The following BIRC6 variants were observed in gnomAD, a reference collection of about 807,000 sequenced individuals.
BIRC6 encodes the protein dual E2 ubiquitin-conjugating enzyme/E3 ubiquitin-protein ligase BIRC6.
Under a neutral mutation model 503.3 loss-of-function variants are expected in BIRC6, and 98 were observed. That is an observed-to-expected ratio of 0.19 (90% CI 0.17 to 0.23). BIRC6 has a LOEUF of 0.23. Among genes scored for constraint, BIRC6 ranks in the 10% least tolerant of loss-of-function variants. BIRC6 has a pLI of 1.00. For synonymous variants in BIRC6, 2,240 were observed against 2,078.7 expected (o/e 1.08, Z -2.11); for missense variants, 5,360 against 5,806.0 (o/e 0.92, Z 2.50).
At chr2:32,516,922 G>T (rs2055113049) in intron 55 of BIRC6, among the ~76,000 whole-genome samples, 1 of 152,092 alleles carries the variant, frequency 6.6e-6, no homozygotes, top group Non-Finnish European at 1.5e-5. Context: ...GTAGACACTA[G>T]TAAATAACTT....
At chr2:32,480,608 A>G (rs938365069) in intron 37 of BIRC6, among the ~76,000 whole-genome samples, 3 of 144,188 alleles carry the variant, frequency 2.1e-5, no homozygotes, top group Admixed American at 7.0e-5. Context: ...TAACAGAAAA[A>G]TAAGGTAAAT....
At chr2:32,521,995 C>T (rs2055774841) in intron 57 of BIRC6, 1 of 151,932 alleles carries the variant, frequency 6.6e-6, no homozygotes, top group African/African-American at 2.4e-5. Flanking sequence ...TAATTGCCTC[C>T]CCTTTTTTTA....
intron 16 of BIRC6, 35 bp downstream of exon 16, chr2:32,439,721 G>C (rs777396118): frequency 1.3e-6 from 2 of 1,576,472 alleles, no homozygotes; most frequent in Admixed American, 3.4e-5. Flanking sequence ...TAACAATACA[G>C]TTTTAAACAT....
intron 26 of BIRC6, among the ~76,000 whole-genome samples, chr2:32,465,695 T>G (rs2048468784): frequency 6.6e-6 from 1 of 152,252 alleles, no homozygotes; most frequent in Non-Finnish European, 1.5e-5. Context: ...TAGGCAACTT[T>G]TCTCTTAAAA....
At chr2:32,537,827 G>A (rs1179678403) in intron 61 of BIRC6, among the ~76,000 whole-genome samples, 6 of 151,962 alleles carry the variant, frequency 3.9e-5, no homozygotes, top group East Asian at 1.9e-4. Flanking sequence ...TTAGCCGGGC[G>A]GGGTGGCAGG....
chr2:32,589,012 G>T (rs2061238430), intron 66 of BIRC6, among the ~76,000 whole-genome samples: 1 of 152,134 alleles, frequency 6.6e-6, no homozygotes. Context: ...GTATTTCATA[G>T]CTTCCTTCAA....
At chr2:32,552,475 G>C (rs1299649118) in intron 65 of BIRC6, among the ~76,000 whole-genome samples, 2 of 152,120 alleles carry the variant, frequency 1.3e-5, no homozygotes, top group African/African-American at 4.8e-5. Flanking sequence ...TTTTAGTTCT[G>C]AACATCTTTG....
Position 32,453,901 on chromosome 2 carries a change from T to G in BIRC6, c.4712T>G (p.Val1571Gly). Residue 1571 changes from valine (V) to glycine (G), a missense_variant, in exon 23 of 74, where the codon GTG becomes GGG. Around this residue, in one of 16 missense-constraint regions of BIRC6, gnomAD observed 2,299 missense variants for 2,267.2 expected, o/e 1.01. Transcript: ENST00000421745. ...GTTGAACCTCTGCACTTTACTTGTG[T>G]GTCAACTAGTGATGGAACCAGAATA... is the stretch of plus-strand genomic sequence containing the variant. ...LEVEPLHFTCVSTSDGTRIER... is the reference protein window; with the variant it reads ...LEVEPLHFTCGSTSDGTRIER... 1.2e-6 allele frequency: 2 copies of G among 1,613,494 alleles called. No individual in the cohort carries two copies. The highest frequency in any genetic ancestry group is 1.7e-6 in the Non-Finnish European group (2 of 1,179,446).
chr2:32,494,448 G>C (rs965853806), intron 45 of BIRC6, among the ~76,000 whole-genome samples: 1 of 151,256 alleles, frequency 6.6e-6, no homozygotes, highest in Non-Finnish European at 1.5e-5. Context: ...GGGTGGTCTC[G>C]ATCTCCTGAC....
chr2:32,542,761 A>G (rs949808369), intron 61 of BIRC6, among the ~76,000 whole-genome samples: 1 of 152,200 alleles, frequency 6.6e-6, no homozygotes, highest in Non-Finnish European at 1.5e-5. Flanking sequence ...AGACACTGCC[A>G]TACTTCTGCT....
intron 1 of BIRC6, among the ~76,000 whole-genome samples, chr2:32,359,267 A>G (rs2033672901): frequency 6.6e-6 from 1 of 152,262 alleles, no homozygotes; most frequent in Non-Finnish European, 1.5e-5. Context: ...AAAGAAAGTC[A>G]TTAACAAAAG....
intron 8 of BIRC6, among the ~76,000 whole-genome samples, chr2:32,403,464 TAGA>T (rs2040816277): frequency 6.6e-6 from 1 of 152,234 alleles, no homozygotes; most frequent in Admixed American, 6.5e-5. Context: ...AATTTTTTCT[TAGA>T]AGACTATATT....
At chr2:32,369,951 T>A (rs369761718) in intron 1 of BIRC6, among the ~76,000 whole-genome samples, 4,526 of 30,900 alleles carry the variant, frequency 0.15, 185 homozygotes, top group African/African-American at 0.16. Context: ...AAAAAATATA[T>A]ATATATATAT....
Position 32,520,671 on chromosome 2 carries a change from G to A in BIRC6, c.11623+1725G>A, listed in dbSNP as rs78044324. 3.6e-4 allele frequency among the ~76,000 whole-genome samples: 55 copies of A among 152,262 alleles called. No individual in the cohort carries two copies. The East Asian group carries it at 9.3e-3, about 26-fold the overall frequency. The stretch of plus-strand genomic sequence containing the variant: ...ATGTCTACTAAAAATACAAAAATTA[G>A]TTGGGTATGATAGCGTGCACCTGTA... On this transcript the variant is annotated intron_variant, in intron 57 of 73. Transcript: ENST00000421745.
At chr2:32,609,478 T>C (rs2062706894) in intron 72 of BIRC6, among the ~76,000 whole-genome samples, 2 of 152,188 alleles carry the variant, frequency 1.3e-5, no homozygotes, top group African/African-American at 2.4e-5. Context: ...TCTTAAATTG[T>C]GCTGGAAAGT....
At chr2:32,555,421 A>G (rs2058705057) in intron 65 of BIRC6, among the ~76,000 whole-genome samples, 2 of 152,146 alleles carry the variant, frequency 1.3e-5, no homozygotes, top group Non-Finnish European at 1.5e-5. Flanking sequence ...CGGGCAGATC[A>G]TGAGGTCGGG....
chr2:32,562,417 C>T (rs1303142811), intron 65 of BIRC6, among the ~76,000 whole-genome samples: 2 of 152,158 alleles, frequency 1.3e-5, no homozygotes, highest in Non-Finnish European at 2.9e-5. Context: ...TAGTGTAGTA[C>T]ATATAATTGA....
chr2:32,541,627 A>C (rs1421442477), intron 61 of BIRC6, among the ~76,000 whole-genome samples: 1 of 152,112 alleles, frequency 6.6e-6, no homozygotes, highest in South Asian at 2.1e-4. Context: ...TTAGCTCACT[A>C]TTCATTTAAT....
chr2:32,408,134 A>G (rs2041450616), intron 9 of BIRC6, among the ~76,000 whole-genome samples: 1 of 151,970 alleles, frequency 6.6e-6, no homozygotes, highest in Admixed American at 6.6e-5. Context: ...CACCTGACTA[A>G]TTTTTGTATC....
Sources: allele counts gnomAD v4.1 joint callset (sites outside exome capture counted in the v4.1 genomes callset), GRCh38; gene constraint gnomAD v4.1.1; regional missense constraint gnomAD v4.1.1; transcripts MANE v1.5; gene names NCBI Gene and HGNC (gene_info 2026-07-23, HGNC 2026-07-21).